FRMD4B: variants seen among roughly 807,000 people sequenced by gnomAD.
FRMD4B encodes FERM domain-containing protein 4B.
A neutral mutation model predicts 141.5 loss-of-function variants in FRMD4B; 74 were observed. That is an observed-to-expected ratio of 0.52 (90% CI 0.43 to 0.63). The LOEUF is 0.63. Ranked by LOEUF, FRMD4B falls within the 30% of genes least tolerant of loss-of-function variation. FRMD4B has a pLI of 0.00. For synonymous variants in FRMD4B, 506 were observed against 467.9 expected, an observed-to-expected ratio of 1.08 and a Z score of -1.05; for missense variants, 1,366 against 1,253.4, an observed-to-expected ratio of 1.09 and a Z score of -1.36.
chr3:69,294,303 T>C (rs1389639036), intron 4 of FRMD4B, among the ~76,000 whole-genome samples: 1 of 152,208 alleles, frequency 6.6e-6, no homozygotes. Flanking sequence ...GAGATCTCTG[T>C]TTATTGCTTG....
intron 19 of FRMD4B, among the ~76,000 whole-genome samples, chr3:69,186,584 TGCCTGTAATTCCAGCTACTCAGGA>T (rs2092770398): frequency 6.6e-6 from 1 of 152,148 alleles, no homozygotes; most frequent in African/African-American, 2.4e-5. Context: ...TGATGGCGCG[TGCCTGTAATTCCAGCTACTCAGGA>T]GGCTGAGGTG....
intron 1 of FRMD4B, among the ~76,000 whole-genome samples, chr3:69,325,081 AAAAAAAAG>A (rs1483973820): frequency 3.8e-4 from 5 of 13,314 alleles, no homozygotes; most frequent in African/African-American, 6.4e-4. Flanking sequence ...TGTCTAAAAA[AAAAAAAAG>A]AAAGAAAGAA....
chr3:69,474,202 T>A (rs574784170), intron 1 of FRMD4B, among the ~76,000 whole-genome samples: 1 of 152,182 alleles, frequency 6.6e-6, no homozygotes, highest in African/African-American at 2.4e-5. Flanking sequence ...AAACCTGTTT[T>A]AGCAAACCAA....
intron 1 of FRMD4B, among the ~76,000 whole-genome samples, chr3:69,324,919 A>G (rs1221428293): frequency 2.0e-5 from 3 of 151,668 alleles, no homozygotes; most frequent in African/African-American, 7.3e-5. Flanking sequence ...ACAGGGTAAG[A>G]CCCTGTCTCT....
At chr3:69,191,070 C>G (rs907406824) in intron 17 of FRMD4B, among the ~76,000 whole-genome samples, 1 of 152,208 alleles carries the variant, frequency 6.6e-6, no homozygotes, top group African/African-American at 2.4e-5. Flanking sequence ...GTTAACTAGA[C>G]ACTGTGTTCT....
At chr3:69,304,257 G>A (rs1701315188) in intron 3 of FRMD4B, among the ~76,000 whole-genome samples, 1 of 151,916 alleles carries the variant, frequency 6.6e-6, no homozygotes, top group South Asian at 2.1e-4. Flanking sequence ...GCCGAGGTGG[G>A]CAGATCCCTT....
chr3:69,438,115 T>C (rs931780923), intron 1 of FRMD4B, among the ~76,000 whole-genome samples: 1 of 148,736 alleles, frequency 6.7e-6, no homozygotes, highest in African/African-American at 2.5e-5. Flanking sequence ...TATACATATA[T>C]ACTGTCAAGA....
At chr3:69,370,235 T>C (rs1303975199) in intron 1 of FRMD4B, among the ~76,000 whole-genome samples, 1 of 150,998 alleles carries the variant, frequency 6.6e-6, no homozygotes, top group Non-Finnish European at 1.5e-5. Context: ...AAAACGTACA[T>C]AGAAATGCCA....
intron 1 of FRMD4B, among the ~76,000 whole-genome samples, chr3:69,343,045 C>T (rs1702790795): frequency 2.0e-5 from 3 of 152,032 alleles, no homozygotes; most frequent in Admixed American, 2.0e-4. Context: ...CCTCGGACTC[C>T]TGGGCTCAAG....
At chr3:69,455,687 C>G (rs972476165) in intron 1 of FRMD4B, among the ~76,000 whole-genome samples, 2 of 152,224 alleles carry the variant, frequency 1.3e-5, no homozygotes, top group African/African-American at 4.8e-5. Flanking sequence ...CAATTTTGGG[C>G]ACAAGGTGAC....
intron 2 of FRMD4B, among the ~76,000 whole-genome samples, chr3:69,407,328 C>T (rs751321552): frequency 5.3e-5 from 8 of 152,034 alleles, no homozygotes; most frequent in Admixed American, 1.3e-4. Context: ...TAAAGGCGAG[C>T]GTTAGATGGG....
intron 1 of FRMD4B, among the ~76,000 whole-genome samples, chr3:69,343,985 T>G (rs901601449): frequency 3.9e-5 from 6 of 152,232 alleles, no homozygotes; most frequent in Admixed American, 2.6e-4. Context: ...CCCATAAGTA[T>G]AGTGGCTGCA....
chr3:69,366,020 A>G (rs1231288736), intron 1 of FRMD4B, among the ~76,000 whole-genome samples: 1 of 151,278 alleles, frequency 6.6e-6, no homozygotes, highest in Non-Finnish European at 1.5e-5. Flanking sequence ...CAGGAGTTTG[A>G]GATCAATCTG....
At chr3:69,366,106 C>CACACAA (rs1394600468) in intron 1 of FRMD4B, among the ~76,000 whole-genome samples, 1 of 118,880 alleles carries the variant, frequency 8.4e-6, no homozygotes, top group Non-Finnish European at 1.8e-5. Flanking sequence ...CACACACACA[C>CACACAA]AAAATTAGCT....
chr3:69,462,277 G>A lies in FRMD4B; in HGVS notation c.-128-29516C>T, dbSNP rs77246514. ...TGCCTCAGAATGTTCCCATGGAGGG[G>A]CTAGGAGGCCGCAGTTTTATCCTGC... On this transcript the variant is annotated intron_variant, in intron 1 of 5. Transcript: ENST00000459638. Among the ~76,000 whole-genome samples, 311 of 152,304 alleles carry A rather than the reference G, an allele frequency of 2.0e-3. 4 individuals are homozygous for A. In the East Asian group the frequency reaches 0.027, roughly 13 times the overall value.
intron 5 of FRMD4B, among the ~76,000 whole-genome samples, chr3:69,286,805 T>G (rs1315777548): frequency 6.6e-6 from 1 of 152,204 alleles, no homozygotes; most frequent in Non-Finnish European, 1.5e-5. Context: ...AAACTTTTTT[T>G]GTTTTATTCT....
chr3:69,258,130 T>C (rs1192675292), intron 5 of FRMD4B, among the ~76,000 whole-genome samples: 1 of 151,940 alleles, frequency 6.6e-6, no homozygotes, highest in East Asian at 1.9e-4. Flanking sequence ...TGCCTGGCCA[T>C]AATTATTGTA....
chr3:69,326,822 G>A (rs974832358), intron 1 of FRMD4B, among the ~76,000 whole-genome samples: 7 of 152,230 alleles, frequency 4.6e-5, no homozygotes, highest in Non-Finnish European at 8.8e-5. Context: ...TAGGCACCAA[G>A]AAGAGACTGT....
intron 1 of FRMD4B, chr3:69,536,198 G>C (rs1701082498): frequency 6.9e-6 from 4 of 582,416 alleles, no homozygotes; most frequent in Non-Finnish European, 1.3e-5. Flanking sequence ...GCCCGCGTTA[G>C]GAGGATCCTC....
Sources: allele counts gnomAD v4.1 joint callset (sites outside exome capture counted in the v4.1 genomes callset), GRCh38; gene constraint gnomAD v4.1.1; transcripts MANE v1.5; gene names NCBI Gene and HGNC (gene_info 2026-07-23, HGNC 2026-07-21).